LINGO2: variants seen among roughly 807,000 people sequenced by gnomAD.
LINGO2 encodes the protein leucine rich repeat and Ig domain containing 2, also known as leucine-rich repeat and immunoglobulin-like domain-containing nogo receptor-interacting protein 2.
Under a neutral mutation model 30.6 loss-of-function variants are expected in LINGO2, and 14 were observed. The ratio of observed to expected loss-of-function variants is 0.46; its 90% CI spans 0.30 to 0.72. The LOEUF is 0.72. LINGO2 is among the 30% of genes least tolerant of loss of function. The pLI is 0.07. For missense variants in LINGO2, 729 were observed against 751.7 expected (o/e 0.97, Z 0.35); for synonymous variants, 317 against 288.5 (o/e 1.10, Z -1.00).
chr9:28,885,607 T>C, the LINGO2 span, among the ~76,000 whole-genome samples: 5 of 151,900 alleles, frequency 3.3e-5, no homozygotes, highest in African/African-American at 9.7e-5. Context: ...TTAAAGTCTA[T>C]CTATAAAAAA....
intron 1 of LINGO2, among the ~76,000 whole-genome samples, chr9:28,574,934 G>C (rs1008530190): frequency 2.0e-5 from 3 of 152,152 alleles, no homozygotes; most frequent in Non-Finnish European, 4.4e-5. Context: ...ATTCACAATA[G>C]CAAAGTCAGG....
At chr9:28,354,776 ACT>A (rs1472907706) in intron 3 of LINGO2, among the ~76,000 whole-genome samples, 1 of 152,120 alleles carries the variant, frequency 6.6e-6, no homozygotes, top group Non-Finnish European at 1.5e-5. Flanking sequence ...CATACAGAAA[ACT>A]CTTTTAATAT....
chr9:28,077,215 C>T (rs1825650653), intron 4 of LINGO2, among the ~76,000 whole-genome samples: 2 of 152,010 alleles, frequency 1.3e-5, no homozygotes, highest in South Asian at 4.1e-4. Context: ...TGTGTTTCCA[C>T]TAAATGGTAT....
At chr9:28,593,083 G>A (rs1487060856) in intron 1 of LINGO2, among the ~76,000 whole-genome samples, 2 of 152,060 alleles carry the variant, frequency 1.3e-5, no homozygotes, top group Non-Finnish European at 2.9e-5. Context: ...CTTTAGGTGT[G>A]AACTCTGCTT....
intron 3 of LINGO2, among the ~76,000 whole-genome samples, chr9:28,314,218 G>A (rs1011862348): frequency 6.6e-6 from 1 of 152,122 alleles, no homozygotes; most frequent in Non-Finnish European, 1.5e-5. Context: ...ACAGGCGTGA[G>A]CCACCGCGCC....
the LINGO2 span, among the ~76,000 whole-genome samples, chr9:29,184,066 A>C: frequency 6.6e-6 from 1 of 152,196 alleles, no homozygotes; most frequent in Non-Finnish European, 1.5e-5. Flanking sequence ...AGCACCACAC[A>C]TGAGTAACAA....
chr9:27,958,154 T>G (rs904230166), intron 5 of LINGO2, among the ~76,000 whole-genome samples: 4 of 152,186 alleles, frequency 2.6e-5, no homozygotes, highest in African/African-American at 9.7e-5. Flanking sequence ...TTTTTAAAAT[T>G]ACAAGTGAGT....
At chr9:28,885,775 G>C in the LINGO2 span, among the ~76,000 whole-genome samples, 1 of 152,072 alleles carries the variant, frequency 6.6e-6, no homozygotes, top group Non-Finnish European at 1.5e-5. Flanking sequence ...CCAGGTGGTG[G>C]AACATTTGAA....
chr9:29,194,083 C>T, the LINGO2 span, among the ~76,000 whole-genome samples: 1 of 152,306 alleles, frequency 6.6e-6, no homozygotes, highest in South Asian at 2.1e-4. Context: ...GCTGCAGCTT[C>T]CTTCTCTGTA....
At chr9:28,987,886 G>A in the LINGO2 span, among the ~76,000 whole-genome samples, 1 of 152,030 alleles carries the variant, frequency 6.6e-6, no homozygotes, top group Non-Finnish European at 1.5e-5. Flanking sequence ...TGGCATTGTG[G>A]TCAGAAAACA....
At chr9:29,052,958 T>G in the LINGO2 span, among the ~76,000 whole-genome samples, 1 of 152,150 alleles carries the variant, frequency 6.6e-6, no homozygotes, top group Non-Finnish European at 1.5e-5. Context: ...CTTGTTTTTT[T>G]TGAAATCCAA....
chr9:28,971,997 C>T, the LINGO2 span, among the ~76,000 whole-genome samples: 1 of 152,222 alleles, frequency 6.6e-6, no homozygotes, highest in African/African-American at 2.4e-5. Flanking sequence ...GAACAAGAGT[C>T]TCTACCTGGT....
the LINGO2 span, among the ~76,000 whole-genome samples, chr9:29,213,465 C>A: frequency 2.0e-5 from 3 of 152,188 alleles, no homozygotes; most frequent in Non-Finnish European, 4.4e-5. Flanking sequence ...GGGGAGGCAG[C>A]GCCGGTGCGG....
chr9:28,297,826 G>A (rs374194117), intron 3 of LINGO2, among the ~76,000 whole-genome samples: 9 of 152,274 alleles, frequency 5.9e-5, no homozygotes, highest in African/African-American at 2.2e-4. Flanking sequence ...AAACACAAGA[G>A]TCACTGCCTT....
chr9:28,030,223 A>T (rs1355074107), intron 4 of LINGO2, among the ~76,000 whole-genome samples: 1 of 152,252 alleles, frequency 6.6e-6, no homozygotes, highest in Non-Finnish European at 1.5e-5. Flanking sequence ...CTCATGTTCA[A>T]CACTAACTTG....
At chr9:28,313,970 T>C (rs912912123) in intron 3 of LINGO2, among the ~76,000 whole-genome samples, 2 of 152,044 alleles carry the variant, frequency 1.3e-5, no homozygotes, top group African/African-American at 4.8e-5. Context: ...GTCTCGCTCT[T>C]TCACCCAGGC....
chr9:28,556,518 T>C (rs1048664047), intron 1 of LINGO2, among the ~76,000 whole-genome samples: 6 of 151,956 alleles, frequency 3.9e-5, no homozygotes, highest in Non-Finnish European at 7.4e-5. Flanking sequence ...AATGGAAGAA[T>C]ATTCCATGCT....
chr9:28,588,863 C>T (rs1471795878), intron 1 of LINGO2, among the ~76,000 whole-genome samples: 2 of 152,074 alleles, frequency 1.3e-5, no homozygotes, highest in East Asian at 3.9e-4. Flanking sequence ...GGACTCAAGG[C>T]CAGTTCCTTC....
At chr9:28,044,035 C>A (rs902819699) in intron 4 of LINGO2, among the ~76,000 whole-genome samples, 1 of 152,128 alleles carries the variant, frequency 6.6e-6, no homozygotes, top group East Asian at 1.9e-4. Context: ...AAGCTCCATG[C>A]CTTTGTACTA....
Sources: gnomAD v4.1 joint callset for allele counts (sites outside exome capture counted in the v4.1 genomes callset) on GRCh38, gnomAD v4.1.1 for gene constraint, MANE v1.5 for transcripts, NCBI Gene and HGNC (gene_info 2026-07-23, HGNC 2026-07-21) for gene names.